Variants in TTLL8 observed in about 807,000 individuals in gnomAD.
TTLL8 encodes the protein protein monoglycylase TTLL8.
TTLL8 carries 65 observed loss-of-function variants against 77.8 expected under a neutral mutation model. The ratio of observed to expected loss-of-function variants is 0.84; its 90% CI spans 0.68 to 1.03. The LOEUF is 1.03. TTLL8 is among the 50% of genes least tolerant of loss of function. The pLI is 0.00. For missense variants in TTLL8, 910 were observed against 1,004.5 expected, an observed-to-expected ratio of 0.91 and a Z score of 1.27; for synonymous variants, 402 against 422.8, an observed-to-expected ratio of 0.95 and a Z score of 0.60.
intron 1 of TTLL8, among the ~76,000 whole-genome samples, chr22:50,051,798 C>T (rs9617138): frequency 5.1e-4 from 77 of 152,232 alleles, no homozygotes; most frequent in Middle Eastern, 3.4e-3. Context: ...TGATGCTGAG[C>T]GCTTTTTCAC....
upstream of TTLL8, chr22:50,056,744 C>A (rs1433300918): frequency 7.8e-7 from 1 of 1,274,942 alleles, no homozygotes; most frequent in Non-Finnish European, 1.0e-6. The surrounding 1 kb of genome is among the most constrained non-coding windows in gnomAD (Gnocchi z 4.1). Flanking sequence ...CCTGGTTCTG[C>A]AGCTCAGTGA....
Position 50,049,791 on chromosome 22 carries a change from C to T in TTLL8, c.190+318G>A, listed in dbSNP as rs73429520. On this transcript the variant is annotated intron_variant, in intron 2 of 13. Coordinates refer to ENST00000266182, the Ensembl canonical transcript of TTLL8. ...CCACGGGGGCCTGAGGAGTGGACTT[C>T]AGGGACCTGGGGCTGGAGGAGGGAC... 4.2e-3 allele frequency among the ~76,000 whole-genome samples: 632 copies of T among 152,224 alleles called. 7 individuals are homozygous for T. Among genetic ancestry groups the T allele is most frequent in the African/African-American group, 0.015 (610 of 41,552 alleles).
At chr22:50,033,062 T>C in intron 10 of TTLL8, 140 bp downstream of exon 11, 1 of 1,120,136 alleles carries the variant, frequency 8.9e-7, no homozygotes, top group Non-Finnish European at 1.2e-6. Flanking sequence ...CAAGCCTCAG[T>C]TTCCCCATCT....
At chr22:50,027,896 C>T (rs180824745) in intron 12 of TTLL8, among the ~76,000 whole-genome samples, 8 of 152,354 alleles carry the variant, frequency 5.3e-5, no homozygotes, top group South Asian at 4.1e-4. Context: ...CTCGTACGCA[C>T]GGGTTGGAGT....
At position 50,045,977 on chromosome 22, in the gene TTLL8, A is replaced by T. The variant is rs2061408545; in HGVS notation, c.394-7T>A. 5.2e-6 allele frequency: 7 copies of T among 1,347,082 alleles called. No individual in the cohort carries two copies. The South Asian group carries it at 7.1e-5, about 14-fold the overall frequency. 83.4% of individuals were successfully genotyped at this position (1,347,082 alleles called of 1,614,324 possible). A position where few individuals can be genotyped will look rare whatever the true frequency, so the allele number is the denominator to read the frequency against. On this transcript the variant is annotated splice_polypyrimidine_tract_variant and splice_region_variant and intron_variant, in intron 4 of 13. Coordinates refer to ENST00000266182, the Ensembl canonical transcript of TTLL8. ...TGTTCACGCACAGCCCGATCTCCAG[A>T]GACAGTGGCGTGTTAGGCAGGAGGG... is the stretch of plus-strand genomic sequence containing the variant.
chr22:50,057,320 T>TGTCAGGTCTGGGTTGTGA (rs539220321), upstream of TTLL8, among the ~76,000 whole-genome samples: 7 of 60,594 alleles, frequency 1.2e-4, no homozygotes, highest in African/African-American at 7.1e-4. Context: ...CTGGGTTTGG[T>TGTCAGGTCTGGGTTGTGA]GTCAGGTCTG....
rs1306461743 is a variant in TTLL8 at position 50,044,525 on chromosome 22, T to A, written c.643+730A>T. Among the ~76,000 whole-genome samples, 1 of 152,212 alleles carries A rather than the reference T, an allele frequency of 6.6e-6. No homozygotes were observed. The highest frequency in any genetic ancestry group is 1.5e-5 in the Non-Finnish European group (1 of 68,038). Reference sequence around the variant, plus strand: ...CACCAATCAGGATTTATTTCCTCTGTTTCCACGTTTACCTAGAAGGGCTTT... The same window carrying A: ...CACCAATCAGGATTTATTTCCTCTGATTCCACGTTTACCTAGAAGGGCTTT... On this transcript the variant is annotated intron_variant, in intron 6 of 13. Coordinates refer to ENST00000266182, the Ensembl canonical transcript of TTLL8. The surrounding 1 kb of genome is among the most constrained non-coding windows in gnomAD (Gnocchi z 4.2).
At chr22:50,039,708 G>A (rs1385035925) in intron 8 of TTLL8, among the ~76,000 whole-genome samples, 1 of 151,812 alleles carries the variant, frequency 6.6e-6, no homozygotes. Context: ...TCTCATGTGT[G>A]TCAGTGTGGA....
chr22:50,047,598 G>A (rs1242894200), intron 3 of TTLL8, among the ~76,000 whole-genome samples: 1 of 152,150 alleles, frequency 6.6e-6, no homozygotes, highest in Non-Finnish European at 1.5e-5. Flanking sequence ...CGTGCCACTT[G>A]CCGAGGTGAC....
At chr22:50,027,885 G>A (rs1375898652) in intron 12 of TTLL8, 11 of 842,692 alleles carry the variant, frequency 1.3e-5, no homozygotes, top group Admixed American at 6.2e-5. Context: ...ACCGCGAAAC[G>A]CTCGTACGCA....
rs191188908 is a variant in TTLL8, at chr22:50,035,255, C to G, written c.922-793G>C. Among the ~76,000 whole-genome samples, 989 of 152,254 alleles carry G rather than the reference C, an allele frequency of 6.5e-3. 8 individuals are homozygous for G. The highest frequency in any genetic ancestry group is 0.01 in the Non-Finnish European group (689 of 68,016). On this transcript the variant is annotated intron_variant, in intron 8 of 13. Transcript: ENST00000266182. ...GGTGGCTGCAGCACAGGAGTGAGAG[C>G]CAGTGGGGCTCCAAGGACGCCAGCC...
chr22:50,049,139 C>T (rs900510574), intron 3 of TTLL8, 110 bp downstream of exon 5: 18 of 1,323,184 alleles, frequency 1.4e-5, no homozygotes, highest in African/African-American at 4.5e-5. Context: ...GCTTTGCCCT[C>T]GCCGGGCTGC....
At chr22:50,029,641 G>A (rs1337490340) in intron 12 of TTLL8, among the ~76,000 whole-genome samples, 1 of 152,138 alleles carries the variant, frequency 6.6e-6, no homozygotes, top group Non-Finnish European at 1.5e-5. Flanking sequence ...TGAGGCAGGA[G>A]AATGGCGCGA....
upstream of TTLL8, among the ~76,000 whole-genome samples, chr22:50,056,049 C>T (rs1006712160): frequency 6.6e-6 from 1 of 152,156 alleles, no homozygotes; most frequent in African/African-American, 2.4e-5. The surrounding 1 kb of genome is among the most constrained non-coding windows in gnomAD (Gnocchi z 4.1). Context: ...GACCTCCGGT[C>T]GTCCTCACTG....
intron 12 of TTLL8, 182 bp downstream of exon 13, chr22:50,030,248 G>A: frequency 2.0e-6 from 2 of 985,326 alleles, no homozygotes; most frequent in Non-Finnish European, 2.4e-6. Context: ...TGCCGGGCTG[G>A]GACAGGTGCC....
chr22:50,034,528 T>C lies in TTLL8; in HGVS notation c.922-66A>G. On this transcript the variant is annotated intron_variant, in intron 8 of 13. Coordinates refer to ENST00000266182, the Ensembl canonical transcript of TTLL8. This position sits in a 1 kb window ranked among gnomAD's most constrained non-coding sequence, Gnocchi z 4.1. Reference sequence around the variant, plus strand: ...CCACTACAAAGCAAGATCCAGAAAGTGCATGAGACTTGGAGGCCTGGGCCC... The same window carrying C: ...CCACTACAAAGCAAGATCCAGAAAGCGCATGAGACTTGGAGGCCTGGGCCC... 3 of 1,313,872 alleles carry C rather than the reference T, an allele frequency of 2.3e-6. No individual in the cohort carries two copies. The highest frequency in any genetic ancestry group is 1.5e-5 in the African/African-American group (1 of 66,902). 81.4% of individuals were successfully genotyped at this position (1,313,872 alleles called of 1,614,324 possible).
intron 11 of TTLL8, among the ~76,000 whole-genome samples, chr22:50,031,439 G>C (rs1056282623): frequency 1.3e-5 from 2 of 152,154 alleles, no homozygotes; most frequent in South Asian, 2.1e-4. Flanking sequence ...CTGAGTGAGC[G>C]GGGCCGCTCC....
intron 12 of TTLL8, among the ~76,000 whole-genome samples, chr22:50,026,962 G>A (rs1005075262): frequency 6.6e-5 from 10 of 152,298 alleles, no homozygotes; most frequent in East Asian, 1.9e-4. Flanking sequence ...GGCCAGGTGC[G>A]GTGGCTCACG....
At chr22:50,056,935 T>C (rs1369975350), upstream of TTLL8, 9 of 1,289,606 alleles carry the variant, frequency 7.0e-6, no homozygotes, top group African/African-American at 1.5e-5. This position sits in a 1 kb window ranked among gnomAD's most constrained non-coding sequence, Gnocchi z 4.1. Flanking sequence ...TCTGGTTCCA[T>C]ACTGGCCTCC....
Sources: allele counts gnomAD v4.1 joint callset (sites outside exome capture counted in the v4.1 genomes callset), GRCh38; gene constraint gnomAD v4.1.1; non-coding constraint Gnocchi (gnomAD v3.1); transcripts MANE v1.5; gene names NCBI Gene and HGNC (gene_info 2026-07-23, HGNC 2026-07-21).